Variants in WNT3A observed in about 807,000 individuals in gnomAD.
WNT3A encodes Wnt family member 3A, also known as protein Wnt-3a.
In WNT3A, 17 loss-of-function variants were observed where a neutral mutation model predicts 37.0. The observed-to-expected ratio is 0.46, with a 90% CI of 0.31 to 0.69. WNT3A has a LOEUF of 0.69. Among genes scored for constraint, WNT3A ranks in the 30% least tolerant of loss-of-function variants. WNT3A has a pLI of 0.05. For missense variants in WNT3A, 411 were observed against 510.2 expected (o/e 0.81, Z 1.87); for synonymous variants, 187 against 211.0 (o/e 0.89, Z 0.99).
chr1:228,010,099 G>C (rs149667823), intron 1 of WNT3A, among the ~76,000 whole-genome samples: 1 of 152,306 alleles, frequency 6.6e-6, no homozygotes, highest in Non-Finnish European at 1.5e-5. Context: ...CTCCCAGCAC[G>C]CCCCTTCTAA....
chr1:228,052,246 C>T (rs1172012431), intron 3 of WNT3A, among the ~76,000 whole-genome samples: 3 of 152,146 alleles, frequency 2.0e-5, no homozygotes, highest in Non-Finnish European at 2.9e-5. Context: ...CGGGTTCAAG[C>T]GATTCTCCTG....
At chr1:228,025,069 G>A (rs975688705) in intron 2 of WNT3A, among the ~76,000 whole-genome samples, 2 of 152,196 alleles carry the variant, frequency 1.3e-5, no homozygotes, top group African/African-American at 2.4e-5. Context: ...AAACTGGGAA[G>A]AGTAAGTTTT....
At chr1:228,055,178 AAATATATATATATATATATATATAT>A (rs1447375231) in intron 3 of WNT3A, among the ~76,000 whole-genome samples, 6 of 46,984 alleles carry the variant, frequency 1.3e-4, no homozygotes, top group Non-Finnish European at 2.2e-4. Context: ...AAAAAAAAAA[AAATATATATATATATATATATATAT>A]ATATATATAT....
chr1:228,034,471 TGGC>T (rs1318117485), intron 2 of WNT3A, among the ~76,000 whole-genome samples: 3 of 152,204 alleles, frequency 2.0e-5, no homozygotes, highest in African/African-American at 7.2e-5. Flanking sequence ...TTAATTGCCC[TGGC>T]CAGAGCCTCC....
rs745466989 is a variant in WNT3A at position 228,050,687 on chromosome 1, T to G, written c.345T>G (p.Ile115Met). Residue 115 changes from isoleucine (I) to methionine (M), a missense_variant, in exon 3 of 4, where the codon ATT becomes ATG. Coordinates refer to ENST00000284523, the MANE Select transcript of WNT3A (RefSeq NM_033131.4). The surrounding 1 kb of genome is among the most constrained non-coding windows in gnomAD (Gnocchi z 5.0). Reference sequence around the variant, plus strand: ...GGGAGTCGGCCTTTGTCCACGCCATTGCCTCAGCCGGTGTGGCCTTTGCAG... The same window carrying G: ...GGGAGTCGGCCTTTGTCCACGCCATGGCCTCAGCCGGTGTGGCCTTTGCAG... ...ATRESAFVHAIASAGVAFAVT... is the reference protein window; with the variant it reads ...ATRESAFVHAMASAGVAFAVT... 67 of 1,611,278 alleles carry G rather than the reference T, an allele frequency of 4.2e-5. No homozygotes were observed. The highest frequency in any genetic ancestry group is 5.4e-5 in the Non-Finnish European group (64 of 1,178,216).
At chr1:228,040,394 A>C (rs1446654871) in intron 2 of WNT3A, among the ~76,000 whole-genome samples, 1 of 152,074 alleles carries the variant, frequency 6.6e-6, no homozygotes, top group Non-Finnish European at 1.5e-5. Flanking sequence ...CTGAGCAAAC[A>C]CCTGTCCCTG....
At chr1:228,020,619 T>A (rs1404247490) in intron 1 of WNT3A, among the ~76,000 whole-genome samples, 3 of 152,186 alleles carry the variant, frequency 2.0e-5, no homozygotes, top group Non-Finnish European at 4.4e-5. Flanking sequence ...CCAGGCTGCA[T>A]CAGCACTTCC....
At position 228,007,326 on chromosome 1, in the gene WNT3A, G is replaced by A; in HGVS notation, c.71+127G>A. The A allele has an allele frequency of 2.2e-6, 2 of 930,228 alleles. No individual in the cohort carries two copies. Among genetic ancestry groups the A allele is most frequent in the Non-Finnish European group, 1.5e-6 (1 of 667,094 alleles). 57.6% of individuals were successfully genotyped at this position (930,228 alleles called of 1,614,324 possible). A position where few individuals can be genotyped will look rare whatever the true frequency, so the allele number is the denominator to read the frequency against. ...TCTGCTCCAGCCCCGCGTGCGGGCC[G>A]CGGGCGGTTGGTTTTCCTTGACGGC... On this transcript the variant is annotated intron_variant, in intron 1 of 3. Coordinates refer to ENST00000284523, the MANE Select transcript of WNT3A (RefSeq NM_033131.4). The surrounding 1 kb of genome is among the most constrained non-coding windows in gnomAD (Gnocchi z 6.0).
chr1:228,058,844 C>A, intron 3 of WNT3A, 142 bp from the exon 4 acceptor site: 1 of 839,228 alleles, frequency 1.2e-6, no homozygotes, highest in Non-Finnish European at 1.8e-6. Flanking sequence ...AGGGGGTGGC[C>A]CTGGGGCCCT....
chr1:228,057,201 C>T (rs920426637), intron 3 of WNT3A, among the ~76,000 whole-genome samples: 1 of 152,142 alleles, frequency 6.6e-6, no homozygotes, highest in Non-Finnish European at 1.5e-5. Flanking sequence ...GTCCCAATAC[C>T]ACCAGCAGTG....
At chr1:228,012,592 C>A (rs1008857210) in intron 1 of WNT3A, among the ~76,000 whole-genome samples, 19 of 152,142 alleles carry the variant, frequency 1.2e-4, no homozygotes, top group Admixed American at 7.2e-4. Context: ...TTGACCCAAA[C>A]GTGAGACTTC....
chr1:228,007,050 C>T lies in WNT3A; in HGVS notation c.-79C>T. 1 of 1,125,690 alleles carries T rather than the reference C, an allele frequency of 8.9e-7. No individual in the cohort carries two copies. Among genetic ancestry groups the T allele is most frequent in the Non-Finnish European group, 1.2e-6 (1 of 866,134 alleles). 69.7% of individuals were successfully genotyped at this position (1,125,690 alleles called of 1,614,324 possible). A position where few individuals can be genotyped will look rare whatever the true frequency, so the allele number is the denominator to read the frequency against. On this transcript the variant is annotated 5_prime_UTR_variant, in exon 1 of 4. Coordinates refer to ENST00000284523, the MANE Select transcript of WNT3A (RefSeq NM_033131.4). The surrounding 1 kb of genome is among the most constrained non-coding windows in gnomAD (Gnocchi z 6.0). ...GGAGGGCCCAGCGACGCCGCCGCGC[C>T]AGCTCCCAGGGCCCGGCCCCCCCCG...
intron 2 of WNT3A, among the ~76,000 whole-genome samples, chr1:228,040,429 C>G (rs1444959556): frequency 2.0e-5 from 3 of 152,160 alleles, no homozygotes; most frequent in Non-Finnish European, 4.4e-5. Context: ...GGGTCACCTC[C>G]CCATGGTAAG....
At position 228,059,111 on chromosome 1, in the gene WNT3A, C is replaced by T. The variant is rs1414701916; in HGVS notation, c.705C>T (p.Tyr235=). ...TCGGTGACTTCCTCAAGGACAAGTA[C>T]GACAGCGCCTCGGAGATGGTGGTGG... The part of the protein sequence containing the change: ...RAIGDFLKDK[Y]DSASEMVVEK... Residue 235 remains tyrosine, a synonymous_variant, in exon 4 of 4, where the codon TAC becomes TAT. Coordinates refer to ENST00000284523, the MANE Select transcript of WNT3A (RefSeq NM_033131.4). 6.2e-7 allele frequency: 1 copy of T among 1,613,664 alleles called. No homozygotes were observed. Among genetic ancestry groups the T allele is most frequent in the Admixed American group, 1.7e-5 (1 of 60,014 alleles).
intron 2 of WNT3A, among the ~76,000 whole-genome samples, chr1:228,029,539 T>C (rs1302733035): frequency 1.3e-5 from 2 of 152,140 alleles, no homozygotes; most frequent in African/African-American, 4.8e-5. Flanking sequence ...CCAGGGACCT[T>C]GCAGTCCTGG....
Position 228,055,219 on chromosome 1 carries a change from T to TACACACAC in WNT3A, c.580-3763_580-3756dup, listed in dbSNP as rs1553311030. On this transcript the variant is annotated intron_variant, in intron 3 of 3. Transcript: ENST00000284523. ...ATATATATATATATATATATATATA[T>TACACACAC]ACACACACACAATAGATTTGGAAAA... 4.9e-4 allele frequency among the ~76,000 whole-genome samples: 48 copies of TACACACAC among 98,448 alleles called. 1 individual carries two copies. In the East Asian group the frequency reaches 8.4e-3, roughly 17 times the overall value. The allele number at this position is 98,448 out of a possible 152,430, so 64.6% of individuals were successfully genotyped here.
At position 228,020,986 on chromosome 1, in the gene WNT3A, C is replaced by T. The variant is rs533616367; in HGVS notation, c.72-1681C>T. On this transcript the variant is annotated intron_variant, in intron 1 of 3. Transcript: ENST00000284523. ...ATAAGCATAAGGAACTCTCTCCCTC[C>T]ACCCACCTCCACCAGTGCCCAAAAG... Among the ~76,000 whole-genome samples the T allele has an allele frequency of 3.3e-5, 5 of 152,326 alleles. No individual in the cohort carries two copies. The East Asian group carries it at 9.7e-4, about 29-fold the overall frequency.
rs537650099 is a variant in WNT3A, at chr1:228,025,922, T to G, written c.313+3014T>G. Among the ~76,000 whole-genome samples the G allele has an allele frequency of 3.2e-3, 449 of 140,512 alleles. 2 individuals carry two copies. Among genetic ancestry groups the G allele is most frequent in the African/African-American group, 0.013 (424 of 33,864 alleles). The allele number at this position is 140,512 out of a possible 152,430, so 92.2% of individuals were successfully genotyped here. Reference sequence around the variant, plus strand: ...GTAGCCAAGCTTGGCTAATTTTTTGTATTTTTTTTTTTTTTTGTAGAGATG... The same window carrying G: ...GTAGCCAAGCTTGGCTAATTTTTTGGATTTTTTTTTTTTTTTGTAGAGATG... On this transcript the variant is annotated intron_variant, in intron 2 of 3. Coordinates refer to ENST00000284523, the MANE Select transcript of WNT3A (RefSeq NM_033131.4).
chr1:228,050,845 A>C lies in WNT3A; in HGVS notation c.503A>C (p.Glu168Ala). 1 of 1,601,022 alleles carries C rather than the reference A, an allele frequency of 6.2e-7. No homozygotes were observed. The highest frequency in any genetic ancestry group is 8.5e-7 in the Non-Finnish European group (1 of 1,172,364). The change falls in exon 3 of 4, where the codon GAG (glutamate) becomes GCG (alanine). Residue 168 changes from glutamate to alanine, a missense_variant. Transcript: ENST00000284523. This position sits in a 1 kb window ranked among gnomAD's most constrained non-coding sequence, Gnocchi z 5.0. The stretch of plus-strand genomic sequence containing the variant: ...GAGTTTGGTGGGATGGTGTCTCGGG[A>C]GTTCGCCGACGCCCGGGAGAACCGG... ...DIEFGGMVSR[E>A]FADARENRPD...
Sources: allele counts gnomAD v4.1 joint callset (sites outside exome capture counted in the v4.1 genomes callset), GRCh38; gene constraint gnomAD v4.1.1; non-coding constraint Gnocchi (gnomAD v3.1); transcripts MANE v1.5; gene names NCBI Gene and HGNC (gene_info 2026-07-23, HGNC 2026-07-21).